NCR2: variants seen among roughly 807,000 people sequenced by gnomAD.
NCR2 encodes the protein natural cytotoxicity triggering receptor 2.
A neutral mutation model predicts 30.7 loss-of-function variants in NCR2; 35 were observed. That is an observed-to-expected ratio of 1.14 (90% CI 0.87 to 1.51). The LOEUF is 1.51. Ranked by LOEUF, NCR2 falls within the 40% of genes most tolerant of loss-of-function variation. NCR2 has a pLI of 0.00. For missense variants in NCR2, 316 were observed against 328.9 expected (o/e 0.96, Z 0.30); for synonymous variants, 146 against 134.8 (o/e 1.08, Z -0.58).
At chr6:41,348,352 C>T (rs1481013695) in intron 4 of NCR2, among the ~76,000 whole-genome samples, 5 of 152,110 alleles carry the variant, frequency 3.3e-5, no homozygotes, top group Non-Finnish European at 5.9e-5. Flanking sequence ...GTATGAAGAC[C>T]TGTGAGCTAG....
In NCR2 at chr6:41,342,153, A is replaced by G. The variant is rs763272070; in HGVS notation, c.644+4A>G. ...TGTCAGCCCTGCTCGTCTGGTGGTG[A>G]GTGTGGTGTGGGTTGAACTCGGGGA... On this transcript the variant is annotated splice_donor_region_variant and intron_variant, in intron 4 of 4. Coordinates refer to ENST00000373089, the MANE Select transcript of NCR2 (RefSeq NM_004828.4). The G allele has an allele frequency of 1.2e-6, 2 of 1,612,262 alleles. No homozygotes were observed. The highest frequency in any genetic ancestry group is 1.3e-5 in the African/African-American group (1 of 74,978).
chr6:41,336,289 C>G lies in NCR2; in HGVS notation c.255C>G (p.Asp85Glu). Residue 85 changes from aspartate to glutamate, a missense_variant, in exon 2 of 5, where the codon GAC becomes GAG. Asp to Glu is a conservative substitution (Grantham distance 45, BLOSUM62 2). Transcript: ENST00000373089. ...MAWTSRFTIW[D>E]DPDAGFFTVT... ...GGACCTCTCGATTCACAATCTGGGA[C>G]GACCCTGATGCTGGCTTCTTCACTG... The G allele has an allele frequency of 6.2e-7, 1 of 1,614,028 alleles. No homozygotes were observed. The highest frequency in any genetic ancestry group is 8.5e-7 in the Non-Finnish European group (1 of 1,179,914).
chr6:41,346,160 G>A (rs617537), intron 4 of NCR2, among the ~76,000 whole-genome samples: 131,994 of 152,022 alleles, frequency 0.87, 57,674 homozygotes, highest in African/African-American at 0.97. Flanking sequence ...CCCAGGCTCA[G>A]CGTCACTCTG....
intron 4 of NCR2, chr6:41,343,062 A>T: frequency 2.0e-6 from 3 of 1,500,090 alleles, no homozygotes; most frequent in Non-Finnish European, 2.7e-6. Flanking sequence ...GGCTCCCAGC[A>T]GCTCCTCCCT....
intron 4 of NCR2, among the ~76,000 whole-genome samples, chr6:41,347,629 G>C (rs1769333867): frequency 6.6e-6 from 1 of 152,212 alleles, no homozygotes; most frequent in East Asian, 1.9e-4. Context: ...AAGAACTCTT[G>C]TGACTTTCTC....
chr6:41,342,177 G>GA, intron 4 of NCR2, 28 bp downstream of exon 4: 1 of 1,609,120 alleles, frequency 6.2e-7, no homozygotes, highest in Non-Finnish European at 8.5e-7. Flanking sequence ...TGAACTCGGG[G>GA]AAAATGGAAC....
At chr6:41,341,715 T>C (rs1769171327) in intron 2 of NCR2, 79 bp from the exon 3 acceptor site, 3 of 1,506,328 alleles carry the variant, frequency 2.0e-6, no homozygotes, top group Non-Finnish European at 1.8e-6. Context: ...CTGGTCCAAC[T>C]CCCCCATCCA....
chr6:41,350,124 G>C (rs1769393881), intron 4 of NCR2, among the ~76,000 whole-genome samples: 1 of 152,162 alleles, frequency 6.6e-6, no homozygotes, highest in Non-Finnish European at 1.5e-5. Context: ...ACTAAATGAT[G>C]CTGGAAAAGT....
intron 2 of NCR2, among the ~76,000 whole-genome samples, chr6:41,339,147 C>A (rs141179029): frequency 0.011 from 1,613 of 152,236 alleles, 35 homozygotes; most frequent in African/African-American, 0.036. Flanking sequence ...CTGCAACCTC[C>A]ACCTCCAGGG....
chr6:41,335,751 C>A lies in NCR2; in HGVS notation c.-126C>A. The A allele has an allele frequency of 9.2e-7, 1 of 1,081,634 alleles. No homozygotes were observed. The highest frequency in any genetic ancestry group is 1.4e-6 in the Non-Finnish European group (1 of 721,306). The allele number at this position is 1,081,634 out of a possible 1,614,324, so 67.0% of individuals were successfully genotyped here. A position where few individuals can be genotyped will look rare whatever the true frequency, so the allele number is the denominator to read the frequency against. On this transcript the variant is annotated 5_prime_UTR_variant, in exon 1 of 5. Coordinates refer to ENST00000373089, the MANE Select transcript of NCR2 (RefSeq NM_004828.4). The stretch of plus-strand genomic sequence containing the variant: ...CAGTCTCCCATCTCCCCAACCCAGG[C>A]CTCAGCCTGTCTCATTTTTCTATCA...
At position 41,347,734 on chromosome 6, in the gene NCR2, G is replaced by T. The variant is rs184937130; in HGVS notation, c.645-2944G>T. On this transcript the variant is annotated intron_variant, in intron 4 of 4. Transcript: ENST00000373089. ...ATTCATTAGGTCACAGGTTTTTTGGGGGGATGGGGGTGTGATCAGAAATTT... is the reference window on the plus strand; with the variant it reads ...ATTCATTAGGTCACAGGTTTTTTGGTGGGATGGGGGTGTGATCAGAAATTT... 3.9e-5 allele frequency among the ~76,000 whole-genome samples: 6 copies of T among 152,308 alleles called. No individual in the cohort carries two copies. In the East Asian group the frequency reaches 1.2e-3, roughly 29 times the overall value.
intron 4 of NCR2, among the ~76,000 whole-genome samples, chr6:41,343,625 G>T (rs184780659): frequency 0.01 from 1,565 of 152,352 alleles, 26 homozygotes; most frequent in African/African-American, 0.035. Context: ...CAGTTGTAGA[G>T]AGAAAAAAAG....
At chr6:41,342,959 T>C in intron 4 of NCR2, 1 of 1,550,616 alleles carries the variant, frequency 6.4e-7, no homozygotes, top group African/African-American at 1.4e-5. Context: ...GGGAGGTCTC[T>C]GCTGCACCCA....
At chr6:41,341,971 G>A in intron 3 of NCR2, 42 bp downstream of exon 3, 3 of 1,611,770 alleles carry the variant, frequency 1.9e-6, no homozygotes, top group Non-Finnish European at 2.5e-6. Flanking sequence ...CCTGGGCGGG[G>A]GCTGGCAGAT....
At chr6:41,345,027 C>G (rs1268284655) in intron 4 of NCR2, among the ~76,000 whole-genome samples, 1 of 152,084 alleles carries the variant, frequency 6.6e-6, no homozygotes, top group Admixed American at 6.6e-5. Context: ...CACCCAGGCC[C>G]CCACTGCACA....
intron 4 of NCR2, among the ~76,000 whole-genome samples, chr6:41,344,998 G>A (rs6458216): frequency 0.67 from 101,499 of 151,764 alleles, 34,738 homozygotes; most frequent in East Asian, 0.89. Flanking sequence ...AAGGGGTCTC[G>A]CTGCCCAATG....
chr6:41,347,807 G>A (rs570555343), intron 4 of NCR2, among the ~76,000 whole-genome samples: 11 of 152,258 alleles, frequency 7.2e-5, no homozygotes, highest in South Asian at 4.1e-4. Context: ...CTCTGGTGTC[G>A]CAGTCAGGAT....
chr6:41,343,965 TCTCC>T lies in NCR2; in HGVS notation c.644+1820_644+1823del, dbSNP rs200614735. On this transcript the variant is annotated intron_variant, in intron 4 of 4. Transcript: ENST00000373089. ...CGCCTGGGTCACCCCAACGTTTCCC[TCTCC>T]CTCTGCCCTTGCTCAGCCACACTCT... 5.7e-3 allele frequency among the ~76,000 whole-genome samples: 868 copies of T among 152,148 alleles called. 12 individuals carry two copies. Among genetic ancestry groups the T allele is most frequent in the African/African-American group, 0.019 (793 of 41,494 alleles).
At chr6:41,345,239 A>G (rs1225092720) in intron 4 of NCR2, among the ~76,000 whole-genome samples, 1 of 152,176 alleles carries the variant, frequency 6.6e-6, no homozygotes, top group African/African-American at 2.4e-5. Flanking sequence ...TCTGGTTTCC[A>G]GCACCCACTT....
Sources: allele counts gnomAD v4.1 joint callset (sites outside exome capture counted in the v4.1 genomes callset), GRCh38; gene constraint gnomAD v4.1.1; transcripts MANE v1.5; gene names NCBI Gene and HGNC (gene_info 2026-07-23, HGNC 2026-07-21).